Variants in APOL3 observed in about 807,000 individuals in gnomAD.
APOL3 encodes apolipoprotein L3.
A neutral mutation model predicts 11.6 loss-of-function variants in APOL3; 14 were observed. The ratio of observed to expected loss-of-function variants is 1.21; its 90% CI spans 0.80 to 1.89. APOL3 has a LOEUF of 1.89. APOL3 is among the 40% of genes most tolerant of loss of function. The pLI, the probability that APOL3 is intolerant of heterozygous loss-of-function variation, is 0.00. For synonymous variants in APOL3, 192 were observed against 190.6 expected (o/e 1.01, Z -0.06); for missense variants, 483 against 492.1 (o/e 0.98, Z 0.17).
At chr22:36,150,067 C>T in intron 1 of APOL3, 1 of 358,560 alleles carries the variant, frequency 2.8e-6, no homozygotes, top group South Asian at 2.1e-5. Context: ...CTGCCTGAGC[C>T]CCCCAAAGTC....
At chr22:36,151,963 G>C (rs1009810546) in intron 1 of APOL3, among the ~76,000 whole-genome samples, 2 of 151,534 alleles carry the variant, frequency 1.3e-5, no homozygotes, top group African/African-American at 4.8e-5. Flanking sequence ...ATGAGCTGTG[G>C]AGGCTGAGAG....
rs775955134 is a variant in APOL3, at chr22:36,141,195, TG to T, written c.*4del. ...ACCTCCCCTGCTGGCTGCACTGGTC[TG>T]GGGTCAGTGGGTATGGCATGGATTC... On this transcript the variant is annotated 3_prime_UTR_variant, in exon 3 of 3. Coordinates refer to ENST00000349314, the Ensembl canonical transcript of APOL3. 15 of 1,611,188 alleles carry T rather than the reference TG, an allele frequency of 9.3e-6. No individual in the cohort carries two copies. In the Admixed American group the frequency reaches 2.5e-4, roughly 27 times the overall value.
At chr22:36,142,316 G>A (rs181987008) in intron 2 of APOL3, among the ~76,000 whole-genome samples, 1 of 152,300 alleles carries the variant, frequency 6.6e-6, no homozygotes, top group African/African-American at 2.4e-5. Context: ...TTAGTGGTAG[G>A]TATTCGATAA....
exon 1 of APOL3, chr22:36,160,894 T>C: frequency 6.2e-7 from 1 of 1,612,922 alleles, no homozygotes; most frequent in South Asian, 1.1e-5. Context: ...AGTCCCATCC[T>C]TGGTCCAGCA....
chr22:36,154,473 T>C (rs967369416), intron 1 of APOL3: 4 of 385,130 alleles, frequency 1.0e-5, no homozygotes, highest in Non-Finnish European at 2.1e-5. Flanking sequence ...AATGTTTAAT[T>C]GTTAATTGGT....
chr22:36,146,000 C>CTCTCTCTCTCTCTG (rs1309644782), intron 1 of APOL3: 2 of 125,856 alleles, frequency 1.6e-5, no homozygotes, highest in East Asian at 2.1e-4. Flanking sequence ...CTCTCTCTCT[C>CTCTCTCTCTCTCTG]TCACACACTC....
chr22:36,141,368 G>T (rs1160939162), exon 3 of APOL3: 1 of 1,614,212 alleles, frequency 6.2e-7, no homozygotes, highest in Non-Finnish European at 8.5e-7. Flanking sequence ...GTGCAAGGAA[G>T]ATGCCTGAAG....
Position 36,141,950 on chromosome 22 carries a change from CA to C in APOL3, c.458del (p.Leu153Ter), listed in dbSNP as rs2060013622. ...TCCTCTTGACTTGGGGAAACTCTTT[CA>C]AAAACCATTCCCTAAACTGCTCATC... On this transcript the variant is annotated frameshift_variant, in exon 3 of 3. Transcript: ENST00000349314. LOFTEE classifies it low-confidence loss of function (END_TRUNC). 6.2e-7 allele frequency: 1 copy of C among 1,614,096 alleles called. No individual in the cohort carries two copies. Among genetic ancestry groups the C allele is most frequent in the Non-Finnish European group, 8.5e-7 (1 of 1,180,040 alleles).
At chr22:36,144,322 G>C (rs2060107579) in intron 2 of APOL3, among the ~76,000 whole-genome samples, 1 of 151,876 alleles carries the variant, frequency 6.6e-6, no homozygotes, top group South Asian at 2.1e-4. Context: ...CCTGACCCCT[G>C]GCTCTGCCCC....
intron 1 of APOL3, among the ~76,000 whole-genome samples, chr22:36,148,834 G>C (rs1569529272): frequency 6.6e-6 from 1 of 152,188 alleles, no homozygotes; most frequent in Admixed American, 6.5e-5. Flanking sequence ...GGGCACCTGG[G>C]CCATGCTCCC....
intron 1 of APOL3, among the ~76,000 whole-genome samples, chr22:36,152,685 A>G (rs972541287): frequency 6.6e-6 from 1 of 152,214 alleles, no homozygotes; most frequent in African/African-American, 2.4e-5. Flanking sequence ...GAAGTTAAGT[A>G]ATTCACCTGG....
chr22:36,156,863 C>G, intron 1 of APOL3: 1 of 444,680 alleles, frequency 2.2e-6, no homozygotes. Context: ...CTCTGCCCTC[C>G]GTGGCACAGC....
chr22:36,155,086 T>C (rs145943825), intron 1 of APOL3, among the ~76,000 whole-genome samples: 2,198 of 152,298 alleles, frequency 0.014, 44 homozygotes, highest in African/African-American at 0.051. Context: ...ACAGGAGTGA[T>C]CTGGCAGCCC....
At chr22:36,157,424 A>G (rs1311989547) in intron 1 of APOL3, among the ~76,000 whole-genome samples, 3 of 152,232 alleles carry the variant, frequency 2.0e-5, no homozygotes, top group Admixed American at 6.5e-5. Context: ...TAAAAGAAGA[A>G]GAAACAAATT....
At chr22:36,141,001 G>A (rs556192873) in exon 3 of APOL3, 3 of 701,682 alleles carry the variant, frequency 4.3e-6, no homozygotes, top group Non-Finnish European at 7.0e-6. Flanking sequence ...CCAGGCTCCA[G>A]CATTCCTGCC....
chr22:36,150,066 C>T (rs901910765), intron 1 of APOL3: 2 of 371,170 alleles, frequency 5.4e-6, no homozygotes, highest in Non-Finnish European at 5.3e-6. Context: ...CCTGCCTGAG[C>T]CCCCCAAAGT....
rs535266188 is a variant in APOL3, at chr22:36,141,418, G to A, written c.991C>T (p.Arg331Trp). The change falls in exon 3 of 3, where the codon CGG becomes TGG. Residue 331 changes from arginine to tryptophan, a missense_variant. Transcript: ENST00000349314. ...ATCCGGGCTCCTCTGCTCACTGCCC[G>A]GGTGGTGCCTGCAATCGTTCTCTCT... The A allele has an allele frequency of 2.3e-5, 37 of 1,613,990 alleles. No homozygotes were observed. Among genetic ancestry groups the A allele is most frequent in the Non-Finnish European group, 3.0e-5 (35 of 1,180,008 alleles).
intron 1 of APOL3, among the ~76,000 whole-genome samples, chr22:36,157,718 G>A (rs1231458852): frequency 1.3e-5 from 2 of 152,168 alleles, no homozygotes; most frequent in Non-Finnish European, 2.9e-5. Context: ...CAATCCACAA[G>A]AAATGCTCAA....
At position 36,144,071 on chromosome 22, in the gene APOL3, G is replaced by T. The variant is rs1400931330; in HGVS notation, c.350+1402C>A. Among the ~76,000 whole-genome samples, 3 of 152,110 alleles carry T rather than the reference G, an allele frequency of 2.0e-5. No homozygotes were observed. The East Asian group carries it at 5.8e-4, about 29-fold the overall frequency. ...GAAGAGGGTCCCAAATGGCAGTTCA[G>T]AATGCCCCAGTTCCCAGGCATGCTG... is the stretch of plus-strand genomic sequence containing the variant. On this transcript the variant is annotated intron_variant, in intron 2 of 2. Transcript: ENST00000349314.
Sources: allele counts gnomAD v4.1 joint callset (sites outside exome capture counted in the v4.1 genomes callset), GRCh38; gene constraint gnomAD v4.1.1; transcripts MANE v1.5; gene names NCBI Gene and HGNC (gene_info 2026-07-23, HGNC 2026-07-21).